Variants in GPC6 observed in about 807,000 individuals in gnomAD.
GPC6 encodes the protein glypican-6.
In GPC6, 14 loss-of-function variants were observed where a neutral mutation model predicts 55.2. The observed-to-expected ratio is 0.25, with a 90% CI of 0.17 to 0.40. The LOEUF is 0.40. Among genes scored for constraint, GPC6 ranks in the 10% least tolerant of loss-of-function variants. GPC6 has a pLI of 1.00. For synonymous variants in GPC6, 278 were observed against 259.6 expected (o/e 1.07, Z -0.68); for missense variants, 641 against 708.5 (o/e 0.90, Z 1.08).
At chr13:93,688,474 T>G (rs1391348346) in intron 2 of GPC6, among the ~76,000 whole-genome samples, 1 of 152,084 alleles carries the variant, frequency 6.6e-6, no homozygotes, top group Non-Finnish European at 1.5e-5. Context: ...TGCACCTATG[T>G]TCATCGCAGT....
chr13:93,835,031 T>A (rs1566560422), intron 3 of GPC6, among the ~76,000 whole-genome samples: 1 of 152,192 alleles, frequency 6.6e-6, no homozygotes, highest in Non-Finnish European at 1.5e-5. Flanking sequence ...AGAGAGGGCT[T>A]CATAAAGAGA....
At chr13:93,359,629 G>A (rs1026328018) in intron 1 of GPC6, among the ~76,000 whole-genome samples, 5 of 152,154 alleles carry the variant, frequency 3.3e-5, no homozygotes, top group African/African-American at 1.2e-4. Flanking sequence ...ATTTTAAAAT[G>A]CTTTTGAAAC....
At chr13:93,384,331 G>A (rs1355841853) in intron 1 of GPC6, among the ~76,000 whole-genome samples, 1 of 151,602 alleles carries the variant, frequency 6.6e-6, no homozygotes, top group Non-Finnish European at 1.5e-5. Context: ...AAAGATATGT[G>A]AGGATATTTT....
At chr13:94,303,705 A>G (rs577905456) in intron 5 of GPC6, among the ~76,000 whole-genome samples, 1 of 152,018 alleles carries the variant, frequency 6.6e-6, no homozygotes, top group South Asian at 2.1e-4. Context: ...CCTGACCTAA[A>G]TAACAGAAAG....
chr13:94,141,742 G>A (rs946323729), intron 4 of GPC6, among the ~76,000 whole-genome samples: 4 of 152,114 alleles, frequency 2.6e-5, no homozygotes, highest in African/African-American at 9.7e-5. Context: ...AAAAGAATCA[G>A]AATTTTTTTT....
chr13:94,147,237 C>T (rs1042099831), intron 4 of GPC6, among the ~76,000 whole-genome samples: 2 of 152,200 alleles, frequency 1.3e-5, no homozygotes, highest in East Asian at 3.9e-4. Context: ...TCTGTCTTTC[C>T]TATCTCAACT....
intron 1 of GPC6, among the ~76,000 whole-genome samples, chr13:93,374,388 G>A (rs1260342067): frequency 6.6e-6 from 1 of 152,122 alleles, no homozygotes; most frequent in Non-Finnish European, 1.5e-5. Flanking sequence ...CTGGGAAGTT[G>A]ATGAGTGGCA....
rs183617785 is a variant in GPC6 at position 93,745,778 on chromosome 13, A to G, written c.320-84376A>G. 4.3e-4 allele frequency among the ~76,000 whole-genome samples: 66 copies of G among 152,282 alleles called. 1 individual carries two copies. The highest frequency in any genetic ancestry group is 3.4e-3 in the Middle Eastern group (1 of 294). ...TTTGTTTTCCCATCCTACGATGTCT[A>G]TGTGCCCATCTGTATCATCTGCTTC... On this transcript the variant is annotated intron_variant, in intron 2 of 8. Coordinates refer to ENST00000377047, the MANE Select transcript of GPC6 (RefSeq NM_005708.5).
intron 3 of GPC6, among the ~76,000 whole-genome samples, chr13:93,998,254 G>A (rs1243320202): frequency 1.3e-5 from 2 of 152,124 alleles, no homozygotes; most frequent in African/African-American, 4.8e-5. Flanking sequence ...TAAACTAAGA[G>A]TTGGTGGGTT....
intron 3 of GPC6, among the ~76,000 whole-genome samples, chr13:93,898,966 T>TATATATATATATATATATATATATAC (rs1251225383): frequency 2.2e-5 from 3 of 137,080 alleles, no homozygotes; most frequent in African/African-American, 7.9e-5. Context: ...TATATATATA[T>TATATATATATATATATATATATATAC]ACACACACAT....
intron 1 of GPC6, among the ~76,000 whole-genome samples, chr13:93,357,569 G>A (rs957783583): frequency 1.3e-5 from 2 of 152,120 alleles, no homozygotes; most frequent in Non-Finnish European, 2.9e-5. Context: ...TAATTGGCCG[G>A]GTATGGTGGC....
intron 1 of GPC6, among the ~76,000 whole-genome samples, chr13:93,239,197 A>G (rs897363994): frequency 6.6e-6 from 1 of 151,934 alleles, no homozygotes; most frequent in Admixed American, 6.6e-5. Context: ...TTCAGCATGA[A>G]CCTAGCTGGT....
At chr13:93,754,802 G>A (rs1362136767) in intron 2 of GPC6, among the ~76,000 whole-genome samples, 6 of 151,958 alleles carry the variant, frequency 3.9e-5, no homozygotes, top group Admixed American at 3.3e-4. Flanking sequence ...TTAAGTTAAT[G>A]TTAGTAACCT....
intron 3 of GPC6, among the ~76,000 whole-genome samples, chr13:93,941,048 T>C (rs1020064253): frequency 6.6e-6 from 1 of 152,206 alleles, no homozygotes; most frequent in Admixed American, 6.5e-5. Flanking sequence ...TTTCCTTTCC[T>C]TCTCATAAAA....
Position 94,028,714 on chromosome 13 carries a change from G to T in GPC6, c.877+820G>T, listed in dbSNP as rs149098256. Among the ~76,000 whole-genome samples, 159 of 152,304 alleles carry T rather than the reference G, an allele frequency of 1.0e-3. 2 individuals are homozygous for T. Among genetic ancestry groups the T allele is most frequent in the Non-Finnish European group, 1.7e-3 (116 of 68,016 alleles). ...ATGAAACAGCCTTCCAGTCTCTAGA[G>T]GGCAGGAGGCAGGGAGGTGGGGAGA... On this transcript the variant is annotated intron_variant, in intron 4 of 8. Transcript: ENST00000377047.
chr13:94,114,014 C>CT (rs1886339839), intron 4 of GPC6, among the ~76,000 whole-genome samples: 1 of 77,918 alleles, frequency 1.3e-5, no homozygotes, highest in Non-Finnish European at 2.2e-5. Flanking sequence ...AAGACTCTGT[C>CT]TAAAAAAAAA....
intron 1 of GPC6, among the ~76,000 whole-genome samples, chr13:93,530,873 A>G (rs1881840379): frequency 6.6e-6 from 1 of 152,160 alleles, no homozygotes; most frequent in African/African-American, 2.4e-5. Flanking sequence ...GCTAGAAATC[A>G]GCTGTGTTGG....
chr13:93,467,575 C>CTTTTT (rs11426472), intron 1 of GPC6, among the ~76,000 whole-genome samples: 29 of 74,014 alleles, frequency 3.9e-4, no homozygotes, highest in South Asian at 5.9e-4. Context: ...AGCTGTGATT[C>CTTTTT]TTTTTTTTTT....
chr13:93,402,139 T>C (rs1432392607), intron 1 of GPC6, among the ~76,000 whole-genome samples: 1 of 152,168 alleles, frequency 6.6e-6, no homozygotes, highest in Non-Finnish European at 1.5e-5. Context: ...TTTTTACTTC[T>C]AGGGGATTTT....
Sources: gnomAD v4.1 joint callset for allele counts (sites outside exome capture counted in the v4.1 genomes callset) on GRCh38, gnomAD v4.1.1 for gene constraint, MANE v1.5 for transcripts, NCBI Gene and HGNC (gene_info 2026-07-23, HGNC 2026-07-21) for gene names.